KLF12: variants seen among roughly 807,000 people sequenced by gnomAD.
KLF12 encodes the protein KLF transcription factor 12.
KLF12 carries 9 observed loss-of-function variants against 37.8 expected under a neutral mutation model. That is an observed-to-expected ratio of 0.24 (90% CI 0.14 to 0.42). The LOEUF is 0.42. Ranked by LOEUF, KLF12 falls within the 10% of genes least tolerant of loss-of-function variation. KLF12 has a pLI of 1.00. For synonymous variants in KLF12, 208 were observed against 202.1 expected, an observed-to-expected ratio of 1.03 and a Z score of -0.25; for missense variants, 411 against 516.0, an observed-to-expected ratio of 0.80 and a Z score of 1.97.
chr13:73,735,436 G>A (rs1316982171), intron 6 of KLF12, among the ~76,000 whole-genome samples: 4 of 152,198 alleles, frequency 2.6e-5, no homozygotes, highest in Admixed American at 1.3e-4. Context: ...GGGATTTCGA[G>A]GAAGATGTCG....
chr13:73,756,918 C>T (rs1260067087), intron 6 of KLF12, among the ~76,000 whole-genome samples: 2 of 152,110 alleles, frequency 1.3e-5, no homozygotes, highest in Non-Finnish European at 2.9e-5. Flanking sequence ...TCCTGAGGCC[C>T]AGATCCTCTT....
intron 1 of KLF12, among the ~76,000 whole-genome samples, chr13:74,080,380 C>T (rs1180348234): frequency 2.0e-5 from 3 of 151,896 alleles, no homozygotes; most frequent in Non-Finnish European, 2.9e-5. Context: ...CCTGAAAGTT[C>T]GAGGCTGCAG....
At chr13:73,709,728 G>C (rs1875215874) in intron 7 of KLF12, among the ~76,000 whole-genome samples, 1 of 152,138 alleles carries the variant, frequency 6.6e-6, no homozygotes, top group East Asian at 1.9e-4. Flanking sequence ...TTGGTTTTGG[G>C]CAGGTATTTC....
rs1157670351 is a variant in KLF12, at chr13:73,840,601, C to T, written c.670+5226G>A. Among the ~76,000 whole-genome samples, 5 of 152,074 alleles carry T rather than the reference C, an allele frequency of 3.3e-5. No individual in the cohort carries two copies. In the East Asian group the frequency reaches 5.8e-4, roughly 18 times the overall value. On this transcript the variant is annotated intron_variant, in intron 4 of 7. Coordinates refer to ENST00000377669, the MANE Select transcript of KLF12 (RefSeq NM_007249.5). The stretch of plus-strand genomic sequence containing the variant: ...TCTCCTTCCCTCATATCCCACCATC[C>T]GACCCATACTGCAATAGTCCCCTTT...
chr13:74,046,639 C>T (rs535431907), intron 1 of KLF12, among the ~76,000 whole-genome samples: 7 of 152,066 alleles, frequency 4.6e-5, no homozygotes, highest in African/African-American at 9.7e-5. Flanking sequence ...TAAGAGATTA[C>T]AATCAGAAGT....
intron 6 of KLF12, among the ~76,000 whole-genome samples, chr13:73,763,861 G>A (rs527247935): frequency 6.6e-6 from 1 of 152,226 alleles, no homozygotes; most frequent in African/African-American, 2.4e-5. Context: ...CTGAGGCAAG[G>A]TGTAAGCAAA....
chr13:73,687,401 T>C lies in KLF12; in HGVS notation c.*8089A>G, dbSNP rs1285384832. 6.6e-6 allele frequency: 1 copy of C among 152,526 alleles called. No homozygotes were observed. Among genetic ancestry groups the C allele is most frequent in the African/African-American group, 2.4e-5 (1 of 41,446 alleles). The allele number at this position is 152,526 out of a possible 1,614,324, so 9.4% of individuals were successfully genotyped here. ...ACACAACAAATCGTGGACAGACACG[T>C]TGATAGGAAAGAGCCTTGAATATAG... On this transcript the variant is annotated 3_prime_UTR_variant, in exon 8 of 8. Transcript: ENST00000377669.
intron 3 of KLF12, among the ~76,000 whole-genome samples, chr13:73,915,483 C>T (rs945788278): frequency 6.6e-5 from 10 of 151,878 alleles, no homozygotes; most frequent in Non-Finnish European, 1.3e-4. Flanking sequence ...GCAGTCGCTG[C>T]TCTGATATAC....
At chr13:74,140,463 A>G in the KLF12 span, among the ~76,000 whole-genome samples, 64 of 152,284 alleles carry the variant, frequency 4.2e-4, no homozygotes, top group East Asian at 5.8e-4. Context: ...AGATCAGCTT[A>G]GGCAATTAAG....
intron 1 of KLF12, among the ~76,000 whole-genome samples, chr13:74,066,783 C>T (rs1873942624): frequency 6.6e-6 from 1 of 152,160 alleles, no homozygotes; most frequent in African/African-American, 2.4e-5. Context: ...TGATAGTCCT[C>T]CCAAACTGGG....
intron 3 of KLF12, among the ~76,000 whole-genome samples, chr13:73,853,823 CAGAT>C (rs1490178140): frequency 2.0e-5 from 3 of 151,672 alleles, no homozygotes; most frequent in Admixed American, 6.6e-5. Flanking sequence ...AAATGTGTTC[CAGAT>C]AAATACACAA....
At chr13:73,885,641 A>G (rs1282333521) in intron 3 of KLF12, among the ~76,000 whole-genome samples, 1 of 152,246 alleles carries the variant, frequency 6.6e-6, no homozygotes, top group Non-Finnish European at 1.5e-5. Flanking sequence ...AGCTTTGCTG[A>G]TATCTAGGAA....
chr13:74,096,717 G>GA (rs1229038566), intron 1 of KLF12, among the ~76,000 whole-genome samples: 2 of 151,968 alleles, frequency 1.3e-5, no homozygotes, highest in Admixed American at 1.3e-4. Flanking sequence ...CTTACTAGAA[G>GA]AAAAAAATTA....
intron 1 of KLF12, among the ~76,000 whole-genome samples, chr13:74,029,778 T>G (rs17291799): frequency 0.071 from 10,803 of 152,076 alleles, 512 homozygotes; most frequent in Non-Finnish European, 0.1. Flanking sequence ...CTAAATCAAA[T>G]GTTTGGTTCC....
At chr13:73,767,247 T>C (rs1879974997) in intron 5 of KLF12, among the ~76,000 whole-genome samples, 1 of 152,136 alleles carries the variant, frequency 6.6e-6, no homozygotes, top group Admixed American at 6.5e-5. Context: ...TTTCCACATA[T>C]AGAAGCCAGG....
At chr13:73,986,433 G>T (rs575967204) in intron 2 of KLF12, among the ~76,000 whole-genome samples, 1 of 152,180 alleles carries the variant, frequency 6.6e-6, no homozygotes, top group African/African-American at 2.4e-5. Flanking sequence ...TTAGCAAAAT[G>T]AGAATTCTTT....
chr13:73,938,838 C>T (rs1356802523), intron 3 of KLF12, among the ~76,000 whole-genome samples: 1 of 152,106 alleles, frequency 6.6e-6, no homozygotes, highest in Non-Finnish European at 1.5e-5. Flanking sequence ...TGGATATTTC[C>T]TGGTAGTTAA....
intron 2 of KLF12, among the ~76,000 whole-genome samples, chr13:73,962,561 G>A (rs2139468943): frequency 6.6e-6 from 1 of 152,292 alleles, no homozygotes; most frequent in East Asian, 1.9e-4. Context: ...AAATTTTTAA[G>A]GAGGTTGCGT....
chr13:73,918,518 T>A (rs1010121490), intron 3 of KLF12, among the ~76,000 whole-genome samples: 1 of 152,166 alleles, frequency 6.6e-6, no homozygotes, highest in African/African-American at 2.4e-5. Flanking sequence ...TACACAGAAC[T>A]ATTTTAGGCC....
Sources: gnomAD v4.1 joint callset for allele counts (sites outside exome capture counted in the v4.1 genomes callset) on GRCh38, gnomAD v4.1.1 for gene constraint, MANE v1.5 for transcripts, NCBI Gene and HGNC (gene_info 2026-07-23, HGNC 2026-07-21) for gene names.